Variants in MAP2K5 observed in about 807,000 individuals in gnomAD.
The protein encoded by MAP2K5 is mitogen-activated protein kinase kinase 5, also known as dual specificity mitogen-activated protein kinase kinase 5.
A neutral mutation model predicts 83.1 loss-of-function variants in MAP2K5; 49 were observed. The ratio of observed to expected loss-of-function variants is 0.59; its 90% CI spans 0.47 to 0.75. MAP2K5 has a LOEUF of 0.75. Among genes scored for constraint, MAP2K5 ranks in the 30% least tolerant of loss-of-function variants. MAP2K5 has a pLI of 0.00. For missense variants in MAP2K5, 457 were observed against 557.5 expected (o/e 0.82, Z 1.82); for synonymous variants, 202 against 191.8 (o/e 1.05, Z -0.44).
intron 2 of MAP2K5, among the ~76,000 whole-genome samples, chr15:67,553,919 C>CAAAAAAAAAAA (rs71142378): frequency 2.5e-5 from 2 of 80,102 alleles, no homozygotes; most frequent in African/African-American, 5.1e-5. Context: ...GACTCCATCT[C>CAAAAAAAAAAA]AAAAAAAAAA....
chr15:67,670,156 A>T lies in MAP2K5; in HGVS notation c.847+5511A>T, dbSNP rs187673522. ...ATGTAACAACATGGGTGAATATCAG[A>T]TACTTCATGTTAAATGAAGGAGGTG... is the stretch of plus-strand genomic sequence containing the variant. On this transcript the variant is annotated intron_variant, in intron 13 of 21. Transcript: ENST00000178640. Among the ~76,000 whole-genome samples the T allele has an allele frequency of 5.3e-3, 806 of 152,310 alleles. 12 individuals carry two copies. The highest frequency in any genetic ancestry group is 0.018 in the African/African-American group (753 of 41,594).
chr15:67,787,230 G>A (rs934812658), intron 21 of MAP2K5, among the ~76,000 whole-genome samples: 3 of 152,212 alleles, frequency 2.0e-5, no homozygotes, highest in Admixed American at 1.3e-4. Context: ...TAACCCTTTG[G>A]CTGTTTCTCA....
rs370904660 is a variant in MAP2K5, at chr15:67,797,863, A to G, written c.1243-8783A>G. Among the ~76,000 whole-genome samples the G allele has an allele frequency of 8.2e-4, 125 of 152,198 alleles. 2 individuals are homozygous for G. The highest frequency in any genetic ancestry group is 6.8e-3 in the Middle Eastern group (2 of 292). The stretch of plus-strand genomic sequence containing the variant: ...ACACCTGGATAATTTTTGTATTTTT[A>G]GTAGAGACAGGGTTTCACCGTATTG... On this transcript the variant is annotated intron_variant, in intron 21 of 21. Transcript: ENST00000178640.
At chr15:67,558,605 G>A (rs1025051987) in intron 2 of MAP2K5, among the ~76,000 whole-genome samples, 3 of 152,098 alleles carry the variant, frequency 2.0e-5, no homozygotes, top group East Asian at 1.9e-4. Context: ...CTGCATTTTC[G>A]CATCTGGCCT....
At chr15:67,547,077 A>ACACACAC (rs368718348) in intron 1 of MAP2K5, among the ~76,000 whole-genome samples, 1 of 144,092 alleles carries the variant, frequency 6.9e-6, no homozygotes, top group Admixed American at 6.9e-5. Context: ...AAAAGAAGAA[A>ACACACAC]ACACACACAC....
At chr15:67,545,981 C>T (rs17240463) in intron 1 of MAP2K5, among the ~76,000 whole-genome samples, 18,458 of 152,216 alleles carry the variant, frequency 0.12, 1,230 homozygotes, top group East Asian at 0.2. Context: ...ACAGGAAACA[C>T]GAGTGGCCCC....
chr15:67,546,610 T>G, intron 1 of MAP2K5: 10 of 985,620 alleles, frequency 1.0e-5, no homozygotes, highest in Non-Finnish European at 1.2e-5. Context: ...GTCTTCTGTT[T>G]TGCAGCTTTC....
At position 67,640,372 on chromosome 15, in the gene MAP2K5, A is replaced by G. The variant is rs2086686793; in HGVS notation, c.586-5859A>G. 6.6e-6 allele frequency among the ~76,000 whole-genome samples: 1 copy of G among 152,028 alleles called. No homozygotes were observed. Among genetic ancestry groups the G allele is most frequent in the African/African-American group, 2.4e-5 (1 of 41,376 alleles). On this transcript the variant is annotated intron_variant, in intron 9 of 21. Coordinates refer to ENST00000178640, the MANE Select transcript of MAP2K5 (RefSeq NM_145160.3). This position sits in a 1 kb window ranked among gnomAD's most constrained non-coding sequence, Gnocchi z 4.6. ...CCCAGAATATTTCTTAGCTTTTTTT[A>G]TATTAAAGGGTGAAATGGAAGGTTA...
intron 3 of MAP2K5, among the ~76,000 whole-genome samples, chr15:67,566,224 G>A (rs2084835316): frequency 6.6e-6 from 1 of 152,046 alleles, no homozygotes; most frequent in African/African-American, 2.4e-5. Flanking sequence ...GCCTAGGGTG[G>A]AGTGCAGTAG....
chr15:67,630,074 C>CA (rs913076870), intron 8 of MAP2K5, among the ~76,000 whole-genome samples: 5 of 151,762 alleles, frequency 3.3e-5, no homozygotes, highest in African/African-American at 9.7e-5. Context: ...CCTGTCTCTA[C>CA]AAAAAAAAGT....
chr15:67,631,423 T>C (rs745840513), intron 9 of MAP2K5, among the ~76,000 whole-genome samples: 2 of 152,182 alleles, frequency 1.3e-5, no homozygotes, highest in African/African-American at 2.4e-5. Context: ...ACTTTCGGTC[T>C]TTTCTTTTCC....
At chr15:67,728,317 A>G (rs921649790) in intron 17 of MAP2K5, among the ~76,000 whole-genome samples, 1 of 152,182 alleles carries the variant, frequency 6.6e-6, no homozygotes. Context: ...AGATTAAGAC[A>G]AAGGGTGAAA....
In MAP2K5 at chr15:67,755,964, A is replaced by G. The variant is rs1566953659; in HGVS notation, c.1134+7363A>G. On this transcript the variant is annotated intron_variant, in intron 19 of 21. Transcript: ENST00000178640. This position sits in a 1 kb window ranked among gnomAD's most constrained non-coding sequence, Gnocchi z 4.7. ...TGACTCAATTGTCCACCCTCTTTCC[A>G]TTGTCCTCCCCACATCCTCACTGTG... Among the ~76,000 whole-genome samples, 1 of 151,820 alleles carries G rather than the reference A, an allele frequency of 6.6e-6. No homozygotes were observed. The highest frequency in any genetic ancestry group is 1.9e-4 in the East Asian group (1 of 5,154).
chr15:67,612,872 A>G (rs1339685118), intron 8 of MAP2K5, among the ~76,000 whole-genome samples: 2 of 152,200 alleles, frequency 1.3e-5, no homozygotes, highest in African/African-American at 4.8e-5. Context: ...CTTTAGACAC[A>G]ACCAGTGTTC....
In MAP2K5 at chr15:67,748,892, A is replaced by G. The variant is rs1421805938; in HGVS notation, c.1134+291A>G. Among the ~76,000 whole-genome samples, 1 of 152,204 alleles carries G rather than the reference A, an allele frequency of 6.6e-6. No homozygotes were observed. The highest frequency in any genetic ancestry group is 2.4e-5 in the African/African-American group (1 of 41,444). On this transcript the variant is annotated intron_variant, in intron 19 of 21. Transcript: ENST00000178640. The surrounding 1 kb of genome is among the most constrained non-coding windows in gnomAD (Gnocchi z 4.0). The stretch of plus-strand genomic sequence containing the variant: ...TGACCCTCTCCCTGGCCAGATGGGG[A>G]TGGAACTGGAAATTAAAATGATATC...
intron 12 of MAP2K5, among the ~76,000 whole-genome samples, chr15:67,661,364 T>C (rs960322919): frequency 6.6e-6 from 1 of 152,094 alleles, no homozygotes; most frequent in African/African-American, 2.4e-5. Flanking sequence ...CTAATGTTGA[T>C]TGAAGTTGTC....
At chr15:67,647,309 T>TA (rs2086851264) in intron 11 of MAP2K5, among the ~76,000 whole-genome samples, 1 of 152,210 alleles carries the variant, frequency 6.6e-6, no homozygotes, top group Admixed American at 6.5e-5. Context: ...TGTCAAAAAT[T>TA]AAAAATCTTA....
At chr15:67,549,083 G>C in intron 1 of MAP2K5, 2 of 1,529,766 alleles carry the variant, frequency 1.3e-6, no homozygotes, top group Non-Finnish European at 1.7e-6. Context: ...TTTGTCAGCC[G>C]GCTGCCTGGT....
intron 13 of MAP2K5, among the ~76,000 whole-genome samples, chr15:67,678,005 C>G (rs1235309606): frequency 1.3e-5 from 2 of 152,150 alleles, no homozygotes; most frequent in African/African-American, 4.8e-5. Context: ...CCTACCCTTT[C>G]TTATGTGATG....
Sources: allele counts gnomAD v4.1 joint callset (sites outside exome capture counted in the v4.1 genomes callset), GRCh38; gene constraint gnomAD v4.1.1; non-coding constraint Gnocchi (gnomAD v3.1); transcripts MANE v1.5; gene names NCBI Gene and HGNC (gene_info 2026-07-23, HGNC 2026-07-21).